NEGR1: variants seen among roughly 807,000 people sequenced by gnomAD.
The protein encoded by NEGR1 is neuronal growth regulator 1.
A neutral mutation model predicts 40.9 loss-of-function variants in NEGR1; 10 were observed. The ratio of observed to expected loss-of-function variants is 0.24; its 90% CI spans 0.15 to 0.42. The LOEUF (loss-of-function observed/expected upper bound fraction) is 0.42, where lower values mean the gene tolerates loss of function less well. NEGR1 is among the 10% of genes least tolerant of loss of function. The probability of loss-of-function intolerance (pLI) is 1.00; values close to 1 mark genes in which losing one functional copy is unlikely to be tolerated. For missense variants in NEGR1, 352 were observed against 438.9 expected (o/e 0.80, Z 1.77); for synonymous variants, 185 against 166.8 (o/e 1.11, Z -0.84).
At chr1:71,652,549 A>G (rs1050616314) in intron 4 of NEGR1, among the ~76,000 whole-genome samples, 9 of 152,136 alleles carry the variant, frequency 5.9e-5, no homozygotes, top group Non-Finnish European at 8.8e-5. Flanking sequence ...GGGCCAACAA[A>G]GCCTAAAATA....
chr1:72,079,532 TGAAGA>T (rs1368407194), intron 1 of NEGR1, among the ~76,000 whole-genome samples: 3 of 152,090 alleles, frequency 2.0e-5, no homozygotes, highest in Non-Finnish European at 2.9e-5. Context: ...AAAAATGAAC[TGAAGA>T]GAATTCCATA....
chr1:71,407,620 G>A (rs778158354), intron 6 of NEGR1, 50 bp from the exon 7 acceptor site: 99 of 1,590,884 alleles, frequency 6.2e-5, no homozygotes, highest in Non-Finnish European at 8.1e-5. Context: ...GTGTCTTCCA[G>A]GATCTTGACA....
intron 6 of NEGR1, among the ~76,000 whole-genome samples, chr1:71,434,920 T>A (rs962012416): frequency 1.3e-5 from 2 of 152,150 alleles, no homozygotes; most frequent in South Asian, 4.2e-4. Flanking sequence ...TGAAACCCCG[T>A]CTCTACTAAA....
intron 4 of NEGR1, among the ~76,000 whole-genome samples, chr1:71,684,138 T>C (rs549732579): frequency 1.3e-4 from 19 of 151,866 alleles, no homozygotes; most frequent in East Asian, 2.0e-4. Flanking sequence ...GGCGTGGTGG[T>C]GGGCGCCTGT....
chr1:72,226,719 T>A (rs966523254), intron 1 of NEGR1, among the ~76,000 whole-genome samples: 2 of 152,032 alleles, frequency 1.3e-5, no homozygotes, highest in African/African-American at 4.8e-5. Context: ...GGTATTCCCA[T>A]CCATAATGCT....
rs150442840 is a variant in NEGR1 at position 72,126,532 on chromosome 1, G to A, written c.176+155787C>T. ...AGCAGCACCATACTATGACACAAAC[G>A]TAAAACCAGATTTCAAGTTCTACCT... On this transcript the variant is annotated intron_variant, in intron 1 of 6. Coordinates refer to ENST00000357731, the MANE Select transcript of NEGR1 (RefSeq NM_173808.3). 2.1e-3 allele frequency among the ~76,000 whole-genome samples: 327 copies of A among 152,150 alleles called. 1 individual carries two copies. The highest frequency in any genetic ancestry group is 3.7e-3 in the South Asian group (18 of 4,818).
chr1:72,163,551 T>C (rs192096426), intron 1 of NEGR1, among the ~76,000 whole-genome samples: 8 of 152,204 alleles, frequency 5.3e-5, no homozygotes, highest in Non-Finnish European at 7.4e-5. Context: ...ACAATTTAGT[T>C]GTTAAACTAG....
At chr1:71,803,693 C>T (rs536900779) in intron 2 of NEGR1, among the ~76,000 whole-genome samples, 1 of 152,162 alleles carries the variant, frequency 6.6e-6, no homozygotes, top group Non-Finnish European at 1.5e-5. Context: ...CTTGAACATT[C>T]TGTTTACAAA....
At chr1:71,671,157 A>G (rs950965508) in intron 4 of NEGR1, among the ~76,000 whole-genome samples, 39 of 152,206 alleles carry the variant, frequency 2.6e-4, no homozygotes, top group Admixed American at 1.9e-3. Context: ...CTTGAGGTTG[A>G]TGGGACAATA....
chr1:72,042,008 T>C (rs1020360674), intron 1 of NEGR1, among the ~76,000 whole-genome samples: 1 of 146,070 alleles, frequency 6.8e-6, no homozygotes, highest in African/African-American at 2.5e-5. Flanking sequence ...ATATATAATA[T>C]ACATTTGATT....
chr1:71,434,613 T>C (rs751915902), intron 6 of NEGR1, among the ~76,000 whole-genome samples: 20 of 152,208 alleles, frequency 1.3e-4, no homozygotes, highest in Non-Finnish European at 1.9e-4. Flanking sequence ...AATAACACCA[T>C]TGGAGTCACA....
chr1:71,732,040 G>A (rs192267917), intron 3 of NEGR1, among the ~76,000 whole-genome samples: 50 of 152,222 alleles, frequency 3.3e-4, no homozygotes, highest in African/African-American at 8.9e-4. Flanking sequence ...ATTTCGGGCC[G>A]GGAGTGATGG....
At chr1:71,848,065 A>G (rs896706038) in intron 2 of NEGR1, among the ~76,000 whole-genome samples, 1 of 152,226 alleles carries the variant, frequency 6.6e-6, no homozygotes, top group Non-Finnish European at 1.5e-5. Flanking sequence ...CTTAAGCCAA[A>G]GCCTAATCCA....
chr1:71,803,022 G>T (rs1006630167), intron 2 of NEGR1, among the ~76,000 whole-genome samples: 4 of 152,100 alleles, frequency 2.6e-5, no homozygotes, highest in Non-Finnish European at 5.9e-5. Context: ...TGGGGAAATG[G>T]GGCAGAGGTG....
At chr1:72,226,662 C>T (rs1473103800) in intron 1 of NEGR1, among the ~76,000 whole-genome samples, 1 of 151,908 alleles carries the variant, frequency 6.6e-6, no homozygotes, top group African/African-American at 2.4e-5. Context: ...AAATATTTAC[C>T]AGTATATTCC....
chr1:72,238,341 T>C (rs959244391), intron 1 of NEGR1, among the ~76,000 whole-genome samples: 4 of 151,906 alleles, frequency 2.6e-5, no homozygotes, highest in Non-Finnish European at 5.9e-5. Flanking sequence ...TTAAAATACA[T>C]GTAAAGTTTA....
At chr1:72,090,691 A>G (rs1648446826) in intron 1 of NEGR1, among the ~76,000 whole-genome samples, 1 of 152,074 alleles carries the variant, frequency 6.6e-6, no homozygotes, top group Non-Finnish European at 1.5e-5. Flanking sequence ...TGACAACTCT[A>G]GATTCATGAA....
At chr1:71,902,506 T>C (rs1661168377) in intron 2 of NEGR1, among the ~76,000 whole-genome samples, 1 of 152,234 alleles carries the variant, frequency 6.6e-6, no homozygotes, top group Non-Finnish European at 1.5e-5. Flanking sequence ...GTATTTGTGG[T>C]AACTGTCTTC....
intron 1 of NEGR1, among the ~76,000 whole-genome samples, chr1:72,269,111 A>G (rs1488873602): frequency 1.3e-5 from 2 of 151,654 alleles, no homozygotes; most frequent in Non-Finnish European, 3.0e-5. Context: ...AACTATATAA[A>G]CTACTTCTAC....
Sources: gnomAD v4.1 joint callset for allele counts (sites outside exome capture counted in the v4.1 genomes callset) on GRCh38, gnomAD v4.1.1 for gene constraint, MANE v1.5 for transcripts, NCBI Gene and HGNC (gene_info 2026-07-23, HGNC 2026-07-21) for gene names.